The following MAPK8IP3 variants were observed in gnomAD, a reference collection of about 807,000 sequenced individuals.
The protein encoded by MAPK8IP3 is mitogen-activated protein kinase 8 interacting protein 3.
MAPK8IP3 carries 49 observed loss-of-function variants against 157.8 expected under a neutral mutation model. The ratio of observed to expected loss-of-function variants is 0.31; its 90% CI spans 0.25 to 0.39. The LOEUF (loss-of-function observed/expected upper bound fraction) is 0.39. MAPK8IP3 is among the 10% of genes least tolerant of loss of function. The pLI is 1.00. For missense variants in MAPK8IP3, 1,478 were observed against 1,889.4 expected (o/e 0.78, Z 4.04); for synonymous variants, 897 against 777.7 (o/e 1.15, Z -2.55).
At chr16:1,721,747 A>C (rs2142320537) in intron 1 of MAPK8IP3, among the ~76,000 whole-genome samples, 1 of 148,518 alleles carries the variant, frequency 6.7e-6, no homozygotes, top group South Asian at 2.1e-4. Flanking sequence ...GGCCTATAAA[A>C]ACTTTGTTTT....
intron 4 of MAPK8IP3, among the ~76,000 whole-genome samples, chr16:1,736,076 G>T (rs796091629): frequency 1.8e-5 from 2 of 110,264 alleles, no homozygotes; most frequent in Non-Finnish European, 3.5e-5. Flanking sequence ...GTGACCATCC[G>T]TGTGAGAGTG....
chr16:1,708,547 C>T (rs2037546419), intron 1 of MAPK8IP3, among the ~76,000 whole-genome samples: 1 of 152,242 alleles, frequency 6.6e-6, no homozygotes, highest in South Asian at 2.1e-4. Flanking sequence ...ATGAGCTGTG[C>T]ACAGGATAGG....
At chr16:1,726,293 G>A (rs377401824) in intron 2 of MAPK8IP3, among the ~76,000 whole-genome samples, 122 of 152,296 alleles carry the variant, frequency 8.0e-4, no homozygotes, top group African/African-American at 2.9e-3. Context: ...CATAATTACA[G>A]AGTCTCTCCT....
At chr16:1,750,642 A>G (rs983943263) in intron 8 of MAPK8IP3, among the ~76,000 whole-genome samples, 6 of 148,414 alleles carry the variant, frequency 4.0e-5, no homozygotes, top group Admixed American at 1.3e-4. Flanking sequence ...CCACCATGCT[A>G]TAATGATTTT....
chr16:1,723,373 T>G (rs951518045), intron 1 of MAPK8IP3, among the ~76,000 whole-genome samples: 1 of 151,666 alleles, frequency 6.6e-6, no homozygotes, highest in Admixed American at 6.6e-5. Context: ...AGAAACAGGG[T>G]TTTACCATGT....
rs2040776007 is a variant in MAPK8IP3 at position 1,743,166 on chromosome 16, A to G, written c.603-166A>G. The stretch of plus-strand genomic sequence containing the variant: ...AAATGAGAAACTGCAGCATCATGGG[A>G]GGGGAAGCGCCACGTAGGATCATAA... On this transcript the variant is annotated intron_variant, in intron 4 of 31. Transcript: ENST00000610761. The surrounding 1 kb of genome is among the most constrained non-coding windows in gnomAD (Gnocchi z 5.6). 6.6e-6 allele frequency among the ~76,000 whole-genome samples: 1 copy of G among 152,186 alleles called. No homozygotes were observed. The highest frequency in any genetic ancestry group is 1.5e-5 in the Non-Finnish European group (1 of 68,030).
chr16:1,752,618 T>C, intron 8 of MAPK8IP3: 1 of 262,350 alleles, frequency 3.8e-6, no homozygotes, highest in South Asian at 3.0e-5. Context: ...CATGGTGGTG[T>C]GCACCTGTAA....
At chr16:1,711,025 C>T (rs991013084) in intron 1 of MAPK8IP3, among the ~76,000 whole-genome samples, 1 of 152,258 alleles carries the variant, frequency 6.6e-6, no homozygotes, top group Non-Finnish European at 1.5e-5. Context: ...CTCTGCCGCT[C>T]CGCTGCGGGA....
intron 8 of MAPK8IP3, among the ~76,000 whole-genome samples, chr16:1,750,534 A>T (rs1031907804): frequency 6.6e-6 from 1 of 151,408 alleles, no homozygotes. Context: ...TTTTTTAGCT[A>T]TTTTTTTTAT....
At chr16:1,749,053 A>C (rs2041141523) in intron 8 of MAPK8IP3, 2 of 396,968 alleles carry the variant, frequency 5.0e-6, no homozygotes, top group African/African-American at 4.2e-5. Flanking sequence ...TGTGTCGTTT[A>C]GGGAATAATG....
rs1309375410 is a variant in MAPK8IP3 at position 1,743,094 on chromosome 16, C to CA, written c.603-230dup. On this transcript the variant is annotated intron_variant, in intron 4 of 31. Transcript: ENST00000610761. The surrounding 1 kb of genome is among the most constrained non-coding windows in gnomAD (Gnocchi z 5.6). The stretch of plus-strand genomic sequence containing the variant: ...TGGGTGACAGAGCGAGACTCCGCCT[C>CA]AAAAAAAATAAAATAAAATAAAATA... Among the ~76,000 whole-genome samples the CA allele has an allele frequency of 6.0e-5, 9 of 150,902 alleles. No individual in the cohort carries two copies. Among genetic ancestry groups the CA allele is most frequent in the African/African-American group, 1.7e-4 (7 of 40,984 alleles).
Position 1,767,578 on chromosome 16 carries a change from C to T in MAPK8IP3, c.3252C>T (p.Ala1084=), listed in dbSNP as rs773062726. 6 of 1,611,826 alleles carry T rather than the reference C, an allele frequency of 3.7e-6. No individual in the cohort carries two copies. The highest frequency in any genetic ancestry group is 5.1e-6 in the Non-Finnish European group (6 of 1,179,686). ...TGACTCCACAGAAGTCATTTGACGC[C>T]CACCCGCGGCGGGAGAGCCAGGTGC... The part of the protein sequence containing the change: ...KTMQIEKSFD[A]HPRRESQVRQ... The change falls in exon 27 of 32, where the codon GCC becomes GCT. Residue 1084 remains alanine (A), a synonymous_variant. Transcript: ENST00000610761.
intron 4 of MAPK8IP3, among the ~76,000 whole-genome samples, chr16:1,733,219 G>A (rs1027954639): frequency 2.0e-5 from 3 of 152,180 alleles, no homozygotes; most frequent in East Asian, 3.9e-4. Context: ...GTGCCTCTGA[G>A]GCTGTGTCGG....
At chr16:1,763,478 C>G (rs2042068996) in intron 16 of MAPK8IP3, among the ~76,000 whole-genome samples, 179 bp from the exon 17 acceptor site, 1 of 151,972 alleles carries the variant, frequency 6.6e-6, no homozygotes, top group Non-Finnish European at 1.5e-5. Context: ...GCCACCCTTC[C>G]CAGCTGGGCA....
rs1567162323 is a variant in MAPK8IP3 at position 1,735,692 on chromosome 16, T to TGACCGCCCATGTGAGCATCC, written c.602+6115_602+6116insACCGCCCATGTGAGCATCCG. On this transcript the variant is annotated intron_variant, in intron 4 of 31. Coordinates refer to ENST00000610761, the MANE Select transcript of MAPK8IP3 (RefSeq NM_001318852.2). ...CCGTGTGACCGTCCGTGTGAGCGTC[T>TGACCGCCCATGTGAGCATCC]GTGTGCCTGTCCGTGTGAGCATCCG... Among the ~76,000 whole-genome samples, 32 of 123,778 alleles carry TGACCGCCCATGTGAGCATCC rather than the reference T, an allele frequency of 2.6e-4. 1 individual carries two copies. The highest frequency in any genetic ancestry group is 9.4e-4 in the African/African-American group (29 of 30,836). 81.2% of individuals were successfully genotyped at this position (123,778 alleles called of 152,430 possible).
chr16:1,759,117 G>T (rs2041789151), intron 10 of MAPK8IP3, 122 bp downstream of exon 10: 1 of 1,319,350 alleles, frequency 7.6e-7, no homozygotes, highest in Non-Finnish European at 1.1e-6. Context: ...GGGGTCAGGG[G>T]GGCAGCCCTG....
At chr16:1,767,959 G>A (rs539053230) in intron 28 of MAPK8IP3, 41 bp downstream of exon 28, 1 of 1,607,176 alleles carries the variant, frequency 6.2e-7, no homozygotes, top group Admixed American at 1.7e-5. Flanking sequence ...GGTGCTGCCA[G>A]AGGTGTACGT....
At position 1,769,820 on chromosome 16, in the gene MAPK8IP3, C is replaced by G. The variant is rs528011916; in HGVS notation, c.*996C>G. 3.3e-5 allele frequency: 5 copies of G among 152,338 alleles called. No individual in the cohort carries two copies. The highest frequency in any genetic ancestry group is 1.2e-4 in the African/African-American group (5 of 41,410). 9.4% of individuals were successfully genotyped at this position (152,338 alleles called of 1,614,324 possible). ...ACGCTACTAAGTGCCTAGGGTTGCC[C>G]GCTGTGGCCTGCTTCCAGGGAGCAA... On this transcript the variant is annotated 3_prime_UTR_variant, in exon 32 of 32. Coordinates refer to ENST00000610761, the MANE Select transcript of MAPK8IP3 (RefSeq NM_001318852.2).
intron 4 of MAPK8IP3, among the ~76,000 whole-genome samples, chr16:1,739,261 T>C (rs570139207): frequency 0.013 from 1,347 of 107,114 alleles, 63 homozygotes; most frequent in African/African-American, 0.049. Flanking sequence ...TGTGAGCATC[T>C]GTGTGACCGT....
Sources: gnomAD v4.1 joint callset for allele counts (sites outside exome capture counted in the v4.1 genomes callset) on GRCh38, gnomAD v4.1.1 for gene constraint, Gnocchi (gnomAD v3.1) non-coding constraint, MANE v1.5 for transcripts, NCBI Gene and HGNC (gene_info 2026-07-23, HGNC 2026-07-21) for gene names.